GCNT2: variants seen among roughly 807,000 people sequenced by gnomAD.
GCNT2 encodes the protein glucosaminyl (N-acetyl) transferase 2 (I blood group).
A neutral mutation model predicts 34.2 loss-of-function variants in GCNT2; 34 were observed. That is an observed-to-expected ratio of 1.00 (90% CI 0.76 to 1.32). GCNT2 has a LOEUF of 1.32. Among genes scored for constraint, GCNT2 ranks in the 40% most tolerant of loss-of-function variants. The pLI is 0.00. For synonymous variants in GCNT2, 212 were observed against 188.0 expected, an observed-to-expected ratio of 1.13 and a Z score of -1.04; for missense variants, 584 against 489.4, an observed-to-expected ratio of 1.19 and a Z score of -1.82.
intron 3 of GCNT2, among the ~76,000 whole-genome samples, chr6:10,537,427 G>T (rs1014900945): frequency 2.0e-5 from 3 of 149,026 alleles, no homozygotes; most frequent in Admixed American, 6.6e-5. Flanking sequence ...ATGGCCACGT[G>T]GGGTGGCTAA....
chr6:10,612,207 G>A (rs1346612257), intron 3 of GCNT2, among the ~76,000 whole-genome samples: 1 of 152,014 alleles, frequency 6.6e-6, no homozygotes, highest in Non-Finnish European at 1.5e-5. Context: ...GGCTGGTCTT[G>A]AACTCCTGAC....
intron 3 of GCNT2, among the ~76,000 whole-genome samples, chr6:10,534,412 A>G (rs1204184491): frequency 1.3e-5 from 2 of 152,010 alleles, no homozygotes; most frequent in Admixed American, 6.6e-5. Context: ...CTGGGATTAC[A>G]GGCGTGAGCC....
At chr6:10,605,357 C>T (rs1031559112) in intron 3 of GCNT2, among the ~76,000 whole-genome samples, 10 of 147,350 alleles carry the variant, frequency 6.8e-5, no homozygotes, top group Non-Finnish European at 1.2e-4. Context: ...CTGGGACGCA[C>T]AGTACCACGC....
Position 10,529,120 on chromosome 6 carries a change from A to G in GCNT2, c.209A>G (p.Asp70Gly), listed in dbSNP as rs1761344176. 2 of 1,614,110 alleles carry G rather than the reference A, an allele frequency of 1.2e-6. No homozygotes were observed. Among genetic ancestry groups the G allele is most frequent in the Non-Finnish European group, 1.7e-6 (2 of 1,179,968 alleles). Residue 70 changes from aspartate to glycine, a missense_variant, in exon 3 of 5, where the codon GAT becomes GGT. By Grantham distance (94) the Asp-to-Gly change is moderately conservative (BLOSUM62 -1). Coordinates refer to ENST00000495262, the MANE Select transcript of GCNT2 (RefSeq NM_145649.5). ...PTENALKTTL[D>G]EATCYEYMVR... ...GAAAATGCATTGAAAACTACCCTTG[A>G]TGAAGCTACCTGCTATGAGTACATG...
chr6:10,537,718 AAAAAAAAAC>A (rs1561784271), intron 3 of GCNT2, among the ~76,000 whole-genome samples: 30 of 142,332 alleles, frequency 2.1e-4, no homozygotes, highest in African/African-American at 6.9e-4. Flanking sequence ...AAAAAAAAAA[AAAAAAAAAC>A]AAAACAAAGA....
intron 3 of GCNT2, among the ~76,000 whole-genome samples, chr6:10,592,455 T>C (rs796321287): frequency 2.0e-5 from 3 of 152,292 alleles, no homozygotes; most frequent in African/African-American, 7.2e-5. Flanking sequence ...ATCCCAGCTC[T>C]TGTGAGCACC....
intron 3 of GCNT2, among the ~76,000 whole-genome samples, chr6:10,537,467 G>A (rs901314108): frequency 6.6e-6 from 1 of 152,026 alleles, no homozygotes; most frequent in South Asian, 2.1e-4. Flanking sequence ...TTGGGAGGCC[G>A]AGGCAGGTGG....
At chr6:10,589,951 T>C (rs768475268) in intron 3 of GCNT2, among the ~76,000 whole-genome samples, 2 of 152,210 alleles carry the variant, frequency 1.3e-5, no homozygotes, top group Non-Finnish European at 2.9e-5. Flanking sequence ...GTAGTATTTT[T>C]AAAGCTAGGT....
At chr6:10,570,769 C>G (rs919651760) in intron 3 of GCNT2, among the ~76,000 whole-genome samples, 1 of 152,190 alleles carries the variant, frequency 6.6e-6, no homozygotes, top group Non-Finnish European at 1.5e-5. Context: ...GTCCCCAAGA[C>G]CCTGAAGTCC....
At chr6:10,616,223 C>T (rs940585977) in intron 3 of GCNT2, among the ~76,000 whole-genome samples, 2 of 152,098 alleles carry the variant, frequency 1.3e-5, no homozygotes, top group Non-Finnish European at 2.9e-5. Context: ...ATTGTTTGTT[C>T]CTACCAGTGG....
At chr6:10,560,679 C>T (rs183190280) in intron 3 of GCNT2, among the ~76,000 whole-genome samples, 7 of 151,670 alleles carry the variant, frequency 4.6e-5, no homozygotes, top group African/African-American at 1.5e-4. Flanking sequence ...TTCGAATTGG[C>T]GAGACTGAAT....
intron 3 of GCNT2, among the ~76,000 whole-genome samples, chr6:10,542,247 G>C (rs1762067628): frequency 6.6e-6 from 1 of 152,170 alleles, no homozygotes; most frequent in Non-Finnish European, 1.5e-5. Flanking sequence ...GCACCATAAA[G>C]ATTTTCTAGA....
chr6:10,590,795 G>T (rs557709794), intron 3 of GCNT2, among the ~76,000 whole-genome samples: 2 of 152,178 alleles, frequency 1.3e-5, no homozygotes, highest in Non-Finnish European at 2.9e-5. Context: ...CTCATGATCT[G>T]CCCGCCTCGG....
At chr6:10,552,022 G>T (rs1398930987) in intron 3 of GCNT2, among the ~76,000 whole-genome samples, 1 of 152,198 alleles carries the variant, frequency 6.6e-6, no homozygotes, top group East Asian at 1.9e-4. Flanking sequence ...GCCTCCCAAA[G>T]TGCTGGGATT....
chr6:10,601,292 G>C (rs964659670), intron 3 of GCNT2, among the ~76,000 whole-genome samples: 1 of 152,106 alleles, frequency 6.6e-6, no homozygotes, highest in Non-Finnish European at 1.5e-5. Flanking sequence ...AATTAAACTT[G>C]TACTTTTATT....
At chr6:10,611,024 G>A (rs1765526443) in intron 3 of GCNT2, among the ~76,000 whole-genome samples, 1 of 152,078 alleles carries the variant, frequency 6.6e-6, no homozygotes, top group South Asian at 2.1e-4. Context: ...CTGTCTCAGG[G>A]ACTACAAAAC....
chr6:10,601,756 A>G (rs2127427886), intron 3 of GCNT2, among the ~76,000 whole-genome samples: 1 of 152,196 alleles, frequency 6.6e-6, no homozygotes, highest in East Asian at 1.9e-4. Context: ...CCTGGCCAAG[A>G]TGATGAAACC....
chr6:10,558,740 G>A (rs1032524847), intron 3 of GCNT2, among the ~76,000 whole-genome samples: 5 of 152,322 alleles, frequency 3.3e-5, no homozygotes, highest in East Asian at 1.9e-4. Context: ...TAAACACGCC[G>A]GCATTCTCTG....
chr6:10,592,457 G>A (rs1764691790), intron 3 of GCNT2, among the ~76,000 whole-genome samples: 1 of 152,142 alleles, frequency 6.6e-6, no homozygotes, highest in Non-Finnish European at 1.5e-5. Flanking sequence ...CCCAGCTCTT[G>A]TGAGCACCTA....
Sources: allele counts gnomAD v4.1 joint callset (sites outside exome capture counted in the v4.1 genomes callset), GRCh38; gene constraint gnomAD v4.1.1; transcripts MANE v1.5; gene names NCBI Gene and HGNC (gene_info 2026-07-23, HGNC 2026-07-21).